COA1: variants seen among roughly 807,000 people sequenced by gnomAD.
COA1 encodes the protein cytochrome c oxidase assembly factor 1.
Under a neutral mutation model 16.0 loss-of-function variants are expected in COA1, and 13 were observed. The observed-to-expected ratio is 0.81, with a 90% CI of 0.53 to 1.29. COA1 has a LOEUF of 1.29. COA1 is among the 50% of genes most tolerant of loss of function. COA1 has a pLI of 0.00. For synonymous variants in COA1, 65 were observed against 65.7 expected (o/e 0.99, Z 0.05); for missense variants, 179 against 177.0 (o/e 1.01, Z -0.06).
chr7:43,722,022 C>A (rs535979380), intron 1 of COA1, among the ~76,000 whole-genome samples: 1 of 151,916 alleles, frequency 6.6e-6, no homozygotes, highest in South Asian at 2.1e-4. Flanking sequence ...TTGCCCCTAG[C>A]ACAGAACATT....
chr7:43,690,997 C>T (rs1414057413), intron 1 of COA1, among the ~76,000 whole-genome samples: 1 of 135,608 alleles, frequency 7.4e-6, no homozygotes, highest in Non-Finnish European at 1.5e-5. Context: ...GCAGGAGACT[C>T]ACTTGAGGCC....
At chr7:43,612,855 G>T (rs2083000501) in intron 6 of COA1, among the ~76,000 whole-genome samples, 1 of 151,956 alleles carries the variant, frequency 6.6e-6, no homozygotes, top group African/African-American at 2.4e-5. Flanking sequence ...GTCTGTAAAA[G>T]TATGAGTCCA....
chr7:43,724,042 CA>C (rs753447049), intron 1 of COA1, among the ~76,000 whole-genome samples: 4 of 152,184 alleles, frequency 2.6e-5, no homozygotes, highest in Non-Finnish European at 5.9e-5. Flanking sequence ...CAAAGATCTC[CA>C]AGTCCTAATA....
chr7:43,641,600 T>C (rs1412680248), intron 4 of COA1: 2 of 152,180 alleles, frequency 1.3e-5, no homozygotes, highest in Non-Finnish European at 2.9e-5. Context: ...AATTGGTACA[T>C]ATTTTGACCT....
At chr7:43,688,349 G>A (rs1585004340) in intron 1 of COA1, among the ~76,000 whole-genome samples, 1 of 139,674 alleles carries the variant, frequency 7.2e-6, no homozygotes, top group East Asian at 2.0e-4. Context: ...ATATTTTTAT[G>A]ATAAAAAAAC....
chr7:43,609,985 A>G (rs1158032258), intron 6 of COA1, among the ~76,000 whole-genome samples: 1 of 152,232 alleles, frequency 6.6e-6, no homozygotes, highest in Non-Finnish European at 1.5e-5. Context: ...CCACAACCCT[A>G]AAGTTTCTGA....
At chr7:43,728,893 C>A (rs2095678024) in intron 1 of COA1, among the ~76,000 whole-genome samples, 1 of 152,206 alleles carries the variant, frequency 6.6e-6, no homozygotes, top group East Asian at 1.9e-4. Context: ...CACATACAGA[C>A]TGATAGGCAC....
chr7:43,652,382 T>C (rs1406394640), intron 1 of COA1, among the ~76,000 whole-genome samples: 2 of 152,220 alleles, frequency 1.3e-5, no homozygotes, highest in East Asian at 1.9e-4. Flanking sequence ...GCAAGATGTT[T>C]GATATGCACT....
At position 43,712,496 on chromosome 7, in the gene COA1, C is replaced by T. The variant is rs571396058; in HGVS notation, c.-39+16933G>A. 8.0e-4 allele frequency among the ~76,000 whole-genome samples: 122 copies of T among 152,314 alleles called. No individual in the cohort carries two copies. The Middle Eastern group carries it at 0.017, about 21-fold the overall frequency. On this transcript the variant is annotated intron_variant, in intron 1 of 5. Coordinates refer to ENST00000223336, the MANE Select transcript of COA1 (RefSeq NM_018224.4). ...ATAGAAATCCAAAGTCATTCTGATT[C>T]CTGATCCTGTATATGTGATCTGGGT... is the stretch of plus-strand genomic sequence containing the variant.
chr7:43,662,542 T>C (rs2092542294), intron 1 of COA1, among the ~76,000 whole-genome samples: 1 of 152,236 alleles, frequency 6.6e-6, no homozygotes, highest in Non-Finnish European at 1.5e-5. Context: ...TTTTCATATA[T>C]TTCAACCATA....
chr7:43,650,220 A>T (rs2090472112), intron 1 of COA1: 1 of 152,270 alleles, frequency 6.6e-6, no homozygotes, highest in African/African-American at 2.4e-5. Flanking sequence ...GGGGGAGAGA[A>T]GGCAATGCAG....
intron 1 of COA1, chr7:43,657,372 A>G (rs1000708591): frequency 3.3e-5 from 5 of 152,272 alleles, no homozygotes; most frequent in African/African-American, 1.2e-4. Context: ...GCAAGTGGCT[A>G]ACCATTATCC....
intron 4 of COA1, among the ~76,000 whole-genome samples, chr7:43,642,877 T>C (rs1377765706): frequency 1.3e-5 from 2 of 152,118 alleles, no homozygotes; most frequent in Non-Finnish European, 2.9e-5. Flanking sequence ...ACTGTAAAAA[T>C]TGCAAATAAA....
intron 1 of COA1, among the ~76,000 whole-genome samples, chr7:43,685,059 G>A (rs1338777801): frequency 6.6e-6 from 1 of 150,510 alleles, no homozygotes; most frequent in Non-Finnish European, 1.5e-5. Context: ...CGAGGCAGAA[G>A]GATCACTTGA....
chr7:43,696,915 G>T (rs960827100), intron 1 of COA1, among the ~76,000 whole-genome samples: 2 of 151,928 alleles, frequency 1.3e-5, no homozygotes, highest in Non-Finnish European at 2.9e-5. Flanking sequence ...ACAAGGTCAA[G>T]AGATCAAGAC....
At chr7:43,712,734 T>C (rs1379065445) in intron 1 of COA1, among the ~76,000 whole-genome samples, 1 of 152,214 alleles carries the variant, frequency 6.6e-6, no homozygotes, top group African/African-American at 2.4e-5. Flanking sequence ...ACATTGAACC[T>C]CAGGAACAGT....
rs531972724 is a variant in COA1 at position 43,665,280 on chromosome 7, C to T, written c.-38-16628G>A. Among the ~76,000 whole-genome samples, 5 of 152,238 alleles carry T rather than the reference C, an allele frequency of 3.3e-5. No homozygotes were observed. The South Asian group carries it at 1.0e-3, about 32-fold the overall frequency. On this transcript the variant is annotated intron_variant, in intron 1 of 5. Transcript: ENST00000223336. ...TTATGAGATCACAAAACATACTGCT[C>T]AACATCCCAAATTATACACAGTATT...
At chr7:43,701,826 T>C (rs1295685315) in intron 1 of COA1, among the ~76,000 whole-genome samples, 1 of 152,200 alleles carries the variant, frequency 6.6e-6, no homozygotes. Context: ...TGCATTTCTC[T>C]AATAATTAGT....
intron 1 of COA1, among the ~76,000 whole-genome samples, chr7:43,722,270 T>G (rs1356649957): frequency 6.6e-6 from 1 of 151,730 alleles, no homozygotes. Context: ...CTTTTGTATT[T>G]TTAGTAGAGA....
Sources: gnomAD v4.1 joint callset for allele counts (sites outside exome capture counted in the v4.1 genomes callset) on GRCh38, gnomAD v4.1.1 for gene constraint, MANE v1.5 for transcripts, NCBI Gene and HGNC (gene_info 2026-07-23, HGNC 2026-07-21) for gene names.